Variants in PSMD14 observed in about 807,000 individuals in gnomAD.
PSMD14 encodes proteasome 26S subunit, non-ATPase 14, also known as ubiquitin C-terminal hydrolase PSMD14.
Under a neutral mutation model 41.2 loss-of-function variants are expected in PSMD14, and 7 were observed. The ratio of observed to expected loss-of-function variants is 0.17; its 90% CI spans 0.10 to 0.32. The LOEUF (loss-of-function observed/expected upper bound fraction) is 0.32. Ranked by LOEUF, PSMD14 falls within the 10% of genes least tolerant of loss-of-function variation. PSMD14 has a pLI of 1.00. For missense variants in PSMD14, 139 were observed against 375.6 expected (o/e 0.37, Z 5.21); for synonymous variants, 114 against 122.3 (o/e 0.93, Z 0.45).
intron 3 of PSMD14, chr2:161,340,932 T>G: frequency 1.2e-6 from 2 of 1,613,648 alleles, no homozygotes; most frequent in Non-Finnish European, 1.7e-6. Flanking sequence ...GTCCTCCTCC[T>G]CAGGCCCTTC....
chr2:161,315,243 C>T (rs1438802280), intron 1 of PSMD14, among the ~76,000 whole-genome samples: 4 of 152,104 alleles, frequency 2.6e-5, no homozygotes, highest in African/African-American at 9.7e-5. Context: ...TCCTATGATG[C>T]GCAAGACAGC....
chr2:161,376,855 T>C (rs532084605), intron 7 of PSMD14, among the ~76,000 whole-genome samples: 2 of 152,106 alleles, frequency 1.3e-5, no homozygotes, highest in South Asian at 4.1e-4. Flanking sequence ...GTTTATAAAA[T>C]AAAATCGAGG....
chr2:161,388,875 G>A (rs1013588217), intron 8 of PSMD14, among the ~76,000 whole-genome samples: 1 of 152,040 alleles, frequency 6.6e-6, no homozygotes, highest in Admixed American at 6.6e-5. Context: ...TAAGTCAGTT[G>A]GTCTTGTGTA....
chr2:161,371,208 T>C lies in PSMD14; in HGVS notation c.348T>C (p.Pro116=). The C allele has an allele frequency of 1.2e-6, 2 of 1,612,862 alleles. No individual in the cohort carries two copies. Among genetic ancestry groups the C allele is most frequent in the African/African-American group, 1.3e-5 (1 of 75,018 alleles). ...EMVVGWYHSH[P]GFGCWLSGVD... is the part of the protein sequence containing the mutation. ...TTGTTGGTTGGTATCACAGTCACCCTGGCTTTGGTTGTTGGCTTTCTGGTG... is the reference window on the plus strand; with the variant it reads ...TTGTTGGTTGGTATCACAGTCACCCCGGCTTTGGTTGTTGGCTTTCTGGTG... The change falls in exon 7 of 12, where the codon CCT becomes CCC. Residue 116 remains proline, a synonymous_variant. Coordinates refer to ENST00000409682, the MANE Select transcript of PSMD14 (RefSeq NM_005805.6).
chr2:161,313,611 A>G (rs1195865940), intron 1 of PSMD14, among the ~76,000 whole-genome samples: 1 of 152,218 alleles, frequency 6.6e-6, no homozygotes, highest in Non-Finnish European at 1.5e-5. Flanking sequence ...TGGCCTCCCA[A>G]ATTGCTGGGA....
At chr2:161,320,007 C>T (rs529801449) in intron 3 of PSMD14, among the ~76,000 whole-genome samples, 34 of 152,276 alleles carry the variant, frequency 2.2e-4, no homozygotes, top group Admixed American at 6.5e-4. Flanking sequence ...ACCTGTATAA[C>T]TCATTCTCTC....
intron 3 of PSMD14, among the ~76,000 whole-genome samples, chr2:161,346,010 G>A (rs1683036820): frequency 6.6e-6 from 1 of 152,080 alleles, no homozygotes; most frequent in Non-Finnish European, 1.5e-5. Context: ...TCCCACCTCA[G>A]TCTCCCGACT....
chr2:161,389,912 T>TGTTTTTTTTTTTTTTTTTTTTA (rs1299369817), intron 8 of PSMD14, among the ~76,000 whole-genome samples: 3 of 130,246 alleles, frequency 2.3e-5, no homozygotes, highest in African/African-American at 9.8e-5. Flanking sequence ...TTTTTTTTTT[T>TGTTTTTTTTTTTTTTTTTTTTA]AGAGATGGGG....
chr2:161,341,683 C>T (rs1215915726), intron 3 of PSMD14, among the ~76,000 whole-genome samples: 1 of 151,008 alleles, frequency 6.6e-6, no homozygotes, highest in Non-Finnish European at 1.5e-5. Context: ...ACTAAAAATA[C>T]AAAAAATGAG....
chr2:161,309,673 A>G (rs904728248), intron 1 of PSMD14, among the ~76,000 whole-genome samples: 17 of 152,324 alleles, frequency 1.1e-4, no homozygotes, highest in East Asian at 1.9e-4. Context: ...AACTACAGTT[A>G]AGGTGTGTTT....
At chr2:161,392,355 G>T (rs934199132) in intron 9 of PSMD14, among the ~76,000 whole-genome samples, 4 of 152,130 alleles carry the variant, frequency 2.6e-5, no homozygotes, top group African/African-American at 9.7e-5. Flanking sequence ...TAGCAAATAA[G>T]ATCATTCTAT....
intron 3 of PSMD14, among the ~76,000 whole-genome samples, chr2:161,326,188 G>A (rs1387777899): frequency 2.0e-5 from 3 of 151,948 alleles, no homozygotes; most frequent in East Asian, 1.9e-4. Context: ...CCACCACCAC[G>A]CCCGGCTAAT....
chr2:161,371,405 G>A (rs1238746002), intron 7 of PSMD14, 83 bp downstream of exon 7: 16 of 1,395,074 alleles, frequency 1.1e-5, no homozygotes, highest in Middle Eastern at 2.1e-4. Flanking sequence ...TTTGTTCAAA[G>A]CAGGATTCTT....
At chr2:161,349,948 G>T (rs1226718730) in intron 3 of PSMD14, among the ~76,000 whole-genome samples, 1 of 152,214 alleles carries the variant, frequency 6.6e-6, no homozygotes, top group East Asian at 1.9e-4. Context: ...TTAAAAATAT[G>T]ATATGTATAA....
In PSMD14 at chr2:161,343,827, CA is replaced by C. The variant is rs35338761; in HGVS notation, c.49-23636del. On this transcript the variant is annotated intron_variant, in intron 3 of 11. Coordinates refer to ENST00000409682, the MANE Select transcript of PSMD14 (RefSeq NM_005805.6). ...TAGGGGATGGAGTGATACTCTGTCT[CA>C]AAAAAAAAAAAAAATGTCTTTGAGT... Among the ~76,000 whole-genome samples, 366 of 148,082 alleles carry C rather than the reference CA, an allele frequency of 2.5e-3. 1 individual carries two copies. The highest frequency in any genetic ancestry group is 6.0e-3 in the African/African-American group (241 of 40,364).
chr2:161,322,020 A>C (rs1682614547), intron 3 of PSMD14, among the ~76,000 whole-genome samples: 1 of 152,280 alleles, frequency 6.6e-6, no homozygotes, highest in Non-Finnish European at 1.5e-5. Flanking sequence ...GCCTGGCTCA[A>C]AGTCTTAGCC....
At chr2:161,378,519 A>G (rs1683532937) in intron 7 of PSMD14, among the ~76,000 whole-genome samples, 1 of 151,888 alleles carries the variant, frequency 6.6e-6, no homozygotes, top group African/African-American at 2.4e-5. Context: ...TTTCATTTCA[A>G]TAGATATTTA....
chr2:161,398,982 T>G (rs1683839381), intron 10 of PSMD14, among the ~76,000 whole-genome samples: 1 of 152,090 alleles, frequency 6.6e-6, no homozygotes, highest in Non-Finnish European at 1.5e-5. Context: ...TTAGAACTGT[T>G]TTAATCAAGA....
chr2:161,328,027 C>A (rs1219542308), intron 3 of PSMD14, among the ~76,000 whole-genome samples: 2 of 141,780 alleles, frequency 1.4e-5, no homozygotes, highest in Non-Finnish European at 3.0e-5. Context: ...AGATCTTTAC[C>A]CGGCAAATAA....
Sources: allele counts gnomAD v4.1 joint callset (sites outside exome capture counted in the v4.1 genomes callset), GRCh38; gene constraint gnomAD v4.1.1; transcripts MANE v1.5; gene names NCBI Gene and HGNC (gene_info 2026-07-23, HGNC 2026-07-21).